PIGU: variants seen among roughly 807,000 people sequenced by gnomAD.
PIGU encodes the protein phosphatidylinositol glycan anchor biosynthesis class U.
In PIGU, 24 loss-of-function variants were observed where a neutral mutation model predicts 49.9. The observed-to-expected ratio is 0.48, with a 90% CI of 0.35 to 0.68. The LOEUF (loss-of-function observed/expected upper bound fraction) is 0.68, where lower values mean the gene tolerates loss of function less well. Ranked by LOEUF, PIGU falls within the 30% of genes least tolerant of loss-of-function variation. The probability of loss-of-function intolerance (pLI) is 0.01; values close to 1 mark genes in which losing one functional copy is unlikely to be tolerated. For synonymous variants in PIGU, 220 were observed against 205.7 expected (o/e 1.07, Z -0.59); for missense variants, 490 against 532.6 (o/e 0.92, Z 0.79).
chr20:34,661,750 T>C (rs1400008206), intron 1 of PIGU, among the ~76,000 whole-genome samples: 1 of 152,092 alleles, frequency 6.6e-6, no homozygotes, highest in Admixed American at 6.6e-5. Context: ...GATTGATGGG[T>C]CGAATGGCAG....
intron 5 of PIGU, among the ~76,000 whole-genome samples, chr20:34,635,841 C>T (rs1985942420): frequency 1.3e-5 from 2 of 151,816 alleles, no homozygotes; most frequent in African/African-American, 2.4e-5. Context: ...CGCCATTGCA[C>T]TCCAGCCTGG....
chr20:34,668,867 C>CTTTTT (rs374136983), intron 1 of PIGU, among the ~76,000 whole-genome samples: 2 of 44,690 alleles, frequency 4.5e-5, no homozygotes, highest in African/African-American at 8.4e-5. Context: ...AATGGTAAAA[C>CTTTTT]TTTTTTTTTT....
rs763550988 is a variant in PIGU at position 34,561,003 on chromosome 20, G to A, written c.1195-24C>T. 9.2e-6 allele frequency: 14 copies of A among 1,520,852 alleles called. No individual in the cohort carries two copies. The South Asian group carries it at 1.4e-4, about 15-fold the overall frequency. The allele number at this position is 1,520,852 out of a possible 1,614,324, so 94.2% of individuals were successfully genotyped here. On this transcript the variant is annotated intron_variant, in intron 11 of 11. Transcript: ENST00000217446. Reference sequence around the variant, plus strand: ...ATCTGGGGGGAGAGAGAGGGTGTGAGGCGCTGCTGGGTACCTCCCCCTAAA... The same window carrying A: ...ATCTGGGGGGAGAGAGAGGGTGTGAAGCGCTGCTGGGTACCTCCCCCTAAA...
chr20:34,561,732 GC>G (rs1982522909), intron 11 of PIGU, among the ~76,000 whole-genome samples: 1 of 151,812 alleles, frequency 6.6e-6, no homozygotes, highest in South Asian at 2.1e-4. Flanking sequence ...GTCCCTGTCC[GC>G]CCTCTCCCGG....
At chr20:34,593,549 A>T (rs1030060759) in intron 7 of PIGU, among the ~76,000 whole-genome samples, 1 of 152,196 alleles carries the variant, frequency 6.6e-6, no homozygotes, top group Non-Finnish European at 1.5e-5. Flanking sequence ...AATAAAACAG[A>T]AAGTCCAGCA....
intron 1 of PIGU, among the ~76,000 whole-genome samples, chr20:34,662,886 T>C (rs927036123): frequency 3.3e-5 from 5 of 152,188 alleles, no homozygotes; most frequent in African/African-American, 1.2e-4. Flanking sequence ...TGTATTATTT[T>C]ACAATTATTC....
intron 9 of PIGU, among the ~76,000 whole-genome samples, chr20:34,585,138 G>A (rs971172531): frequency 3.9e-5 from 6 of 152,204 alleles, no homozygotes; most frequent in South Asian, 2.1e-4. Flanking sequence ...CCTGGCCACC[G>A]CCTGGCTCTA....
rs1217621552 is a variant in PIGU, at chr20:34,564,466, G to A, written c.1195-3487C>T. On this transcript the variant is annotated intron_variant, in intron 11 of 11. Transcript: ENST00000217446. ...GGGGATCCCTTAAGCCCAGGAGGTCGACCTGGGCAACAGAGCAAAACTCCA... is the reference window on the plus strand; with the variant it reads ...GGGGATCCCTTAAGCCCAGGAGGTCAACCTGGGCAACAGAGCAAAACTCCA... 3.9e-5 allele frequency among the ~76,000 whole-genome samples: 6 copies of A among 152,196 alleles called. No individual in the cohort carries two copies. In the East Asian group the frequency reaches 9.6e-4, roughly 24 times the overall value.
At chr20:34,614,065 G>A (rs1312132563) in intron 7 of PIGU, among the ~76,000 whole-genome samples, 1 of 152,222 alleles carries the variant, frequency 6.6e-6, no homozygotes, top group Non-Finnish European at 1.5e-5. Flanking sequence ...GGAGGCCAAG[G>A]CAGAAGGATC....
intron 4 of PIGU, among the ~76,000 whole-genome samples, chr20:34,642,743 TC>T (rs1228537116): frequency 6.4e-5 from 9 of 139,914 alleles, no homozygotes; most frequent in Admixed American, 7.3e-5. Context: ...TTTTCCCTAG[TC>T]TTTTTTTTTT....
chr20:34,579,701 T>C (rs1983381871), intron 10 of PIGU, among the ~76,000 whole-genome samples: 1 of 152,216 alleles, frequency 6.6e-6, no homozygotes, highest in East Asian at 1.9e-4. Flanking sequence ...CTGCAGACTA[T>C]GTGCCCTGCC....
chr20:34,624,984 T>C (rs1310860951), intron 6 of PIGU, among the ~76,000 whole-genome samples: 2 of 152,164 alleles, frequency 1.3e-5, no homozygotes, highest in Admixed American at 1.3e-4. Context: ...CTGGGGAGCA[T>C]TGCTAAGTTT....
At chr20:34,597,297 G>C (rs1320362534) in intron 7 of PIGU, among the ~76,000 whole-genome samples, 1 of 152,074 alleles carries the variant, frequency 6.6e-6, no homozygotes, top group African/African-American at 2.4e-5. Context: ...AAAACACCCA[G>C]CAATAAAAAA....
Position 34,584,113 on chromosome 20 carries a change from C to T in PIGU, c.926+1324G>A, listed in dbSNP as rs1353508181. ...ATTCTGGAGCCAGACAAACCTGAGT[C>T]TAAATCCCAGCTCCACTGCTTACTA... On this transcript the variant is annotated intron_variant, in intron 9 of 11. Transcript: ENST00000217446. Among the ~76,000 whole-genome samples, 5 of 152,168 alleles carry T rather than the reference C, an allele frequency of 3.3e-5. No individual in the cohort carries two copies. In the East Asian group the frequency reaches 9.6e-4, roughly 29 times the overall value.
At chr20:34,614,846 C>T (rs951060616) in intron 7 of PIGU, among the ~76,000 whole-genome samples, 17 of 152,172 alleles carry the variant, frequency 1.1e-4, no homozygotes, top group African/African-American at 4.1e-4. Flanking sequence ...TTTAGCAGTG[C>T]TTGTGATTAA....
intron 1 of PIGU, among the ~76,000 whole-genome samples, chr20:34,663,026 G>A (rs1986975396): frequency 6.6e-6 from 1 of 152,076 alleles, no homozygotes; most frequent in Non-Finnish European, 1.5e-5. Flanking sequence ...TCCCACCTCA[G>A]CCTCCCAAGT....
In PIGU at chr20:34,560,632, T is replaced by C. The variant is rs1982440705; in HGVS notation, c.*234A>G. The C allele has an allele frequency of 4.5e-6, 2 of 442,686 alleles. No individual in the cohort carries two copies. Among genetic ancestry groups the C allele is most frequent in the Non-Finnish European group, 8.0e-6 (2 of 251,078 alleles). 27.4% of individuals were successfully genotyped at this position (442,686 alleles called of 1,614,324 possible). A position where few individuals can be genotyped will look rare whatever the true frequency, so the allele number is the denominator to read the frequency against. The stretch of plus-strand genomic sequence containing the variant: ...TTCTCCTTCCTGTCTGGGAGGGGGC[T>C]CCTTGGTGTGCAGAGCCACAAGGTG... On this transcript the variant is annotated 3_prime_UTR_variant, in exon 12 of 12. Coordinates refer to ENST00000217446, the MANE Select transcript of PIGU (RefSeq NM_080476.5).
At chr20:34,645,988 G>A (rs1375062637) in intron 2 of PIGU, among the ~76,000 whole-genome samples, 1 of 152,054 alleles carries the variant, frequency 6.6e-6, no homozygotes, top group African/African-American at 2.4e-5. Context: ...AATAGCCGAG[G>A]GGAATTCCAC....
At chr20:34,675,786 G>GA (rs1987479073) in intron 1 of PIGU, among the ~76,000 whole-genome samples, 1 of 152,084 alleles carries the variant, frequency 6.6e-6, no homozygotes, top group Non-Finnish European at 1.5e-5. Context: ...GGCCAAGTGA[G>GA]ACTGCTTGAG....
Sources: gnomAD v4.1 joint callset for allele counts (sites outside exome capture counted in the v4.1 genomes callset) on GRCh38, gnomAD v4.1.1 for gene constraint, MANE v1.5 for transcripts, NCBI Gene and HGNC (gene_info 2026-07-23, HGNC 2026-07-21) for gene names.